The following STON2 variants were observed in gnomAD, a reference collection of about 807,000 sequenced individuals.
STON2 encodes stonin 2, also known as stonin-2.
In STON2, 29 loss-of-function variants were observed where a neutral mutation model predicts 65.7. The observed-to-expected ratio is 0.44, with a 90% CI of 0.33 to 0.60. The LOEUF (loss-of-function observed/expected upper bound fraction) is 0.60. Among genes scored for constraint, STON2 ranks in the 20% least tolerant of loss-of-function variants. The pLI is 0.03. For synonymous variants in STON2, 404 were observed against 414.2 expected (o/e 0.98, Z 0.30); for missense variants, 1,054 against 1,118.1 (o/e 0.94, Z 0.82).
chr14:81,380,818 C>T (rs1042778436), intron 3 of STON2, among the ~76,000 whole-genome samples: 2 of 152,040 alleles, frequency 1.3e-5, no homozygotes, highest in East Asian at 3.9e-4. Context: ...CTGGGGCCCA[C>T]TTGAGGGTGG....
rs1316868427 is a variant in STON2 at position 81,267,028 on chromosome 14, C to T, written c.*1386G>A. The T allele has an allele frequency of 2.4e-5, 24 of 985,296 alleles. No individual in the cohort carries two copies. Among genetic ancestry groups the T allele is most frequent in the Non-Finnish European group, 2.8e-5 (23 of 829,906 alleles). The allele number at this position is 985,296 out of a possible 1,614,324, so 61.0% of individuals were successfully genotyped here. On this transcript the variant is annotated 3_prime_UTR_variant, in exon 8 of 8. Coordinates refer to ENST00000614646, the MANE Select transcript of STON2 (RefSeq NM_001394390.1). ...GACTCCAATGATTGTTCATTGAATA[C>T]ATTAATCTTGAATCCATCAGCCAAA...
upstream of STON2, among the ~76,000 whole-genome samples, chr14:81,403,998 CTT>C (rs1247840856): frequency 2.0e-5 from 3 of 152,126 alleles, no homozygotes; most frequent in Non-Finnish European, 4.4e-5. Context: ...TTATTGATGT[CTT>C]TAACTCTTAG....
intron 2 of STON2, among the ~76,000 whole-genome samples, chr14:81,417,278 C>T (rs77502522): frequency 0.023 from 3,269 of 143,812 alleles, 130 homozygotes; most frequent in East Asian, 0.19. Flanking sequence ...TTCACCGCCC[C>T]GCCCCCGGCC....
At chr14:81,428,582 G>A (rs1436977927) in intron 1 of STON2, among the ~76,000 whole-genome samples, 1 of 152,134 alleles carries the variant, frequency 6.6e-6, no homozygotes, top group Non-Finnish European at 1.5e-5. Flanking sequence ...AATTAGCCAG[G>A]CATGGTGGCA....
chr14:81,373,281 A>G (rs72703734), intron 3 of STON2, among the ~76,000 whole-genome samples: 2,131 of 152,308 alleles, frequency 0.014, 25 homozygotes, highest in South Asian at 0.043. Context: ...TAAATACAGA[A>G]TATTAAAATT....
At chr14:81,377,679 C>A (rs1169956687) in intron 3 of STON2, among the ~76,000 whole-genome samples, 1 of 152,172 alleles carries the variant, frequency 6.6e-6, no homozygotes, top group African/African-American at 2.4e-5. Flanking sequence ...AGCATTTAGT[C>A]TTACCATTAC....
chr14:81,331,669 A>G (rs534641956), intron 4 of STON2, among the ~76,000 whole-genome samples: 2 of 152,380 alleles, frequency 1.3e-5, no homozygotes, highest in South Asian at 4.1e-4. Context: ...AGCCATGGAT[A>G]GAGGGAGAGG....
rs35689202 is a variant in STON2, at chr14:81,277,231, T to C, written c.2251A>G (p.Thr751Ala). Residue 751 changes from threonine (T) to alanine (A), a missense_variant, in exon 6 of 8, where the codon ACA becomes GCA. By Grantham distance (58) the Thr-to-Ala change is moderately conservative (BLOSUM62 0). Coordinates refer to ENST00000614646, the MANE Select transcript of STON2 (RefSeq NM_001394390.1). Reference sequence around the variant, plus strand: ...TCCACCTCTGCCCCATTGACACTTGTGGCCGTCCTGAGTGTGAAAGGCAAG... The same window carrying C: ...TCCACCTCTGCCCCATTGACACTTGCGGCCGTCCTGAGTGTGAAAGGCAAG... ...KTLPFTLRTA[T>A]SVNGAEVEVQ... 2,971 of 1,614,202 alleles carry C rather than the reference T, an allele frequency of 1.8e-3. 47 individuals carry two copies. In the African/African-American group the frequency reaches 0.035, roughly 19 times the overall value.
intron 3 of STON2, among the ~76,000 whole-genome samples, chr14:81,387,883 C>G (rs1167611364): frequency 6.9e-6 from 1 of 145,780 alleles, no homozygotes; most frequent in Admixed American, 6.8e-5. Context: ...AAGAGTGAGA[C>G]TCAGTCTCAA....
chr14:81,277,770 G>C lies in STON2; in HGVS notation c.1712C>G (p.Pro571Arg). The C allele has an allele frequency of 6.2e-7, 1 of 1,614,100 alleles. No homozygotes were observed. Among genetic ancestry groups the C allele is most frequent in the Non-Finnish European group, 8.5e-7 (1 of 1,180,028 alleles). ...TGCTGTGTGGGCCACAGCAGGTTTG[G>C]GCTGGTATTTCTTCTTCTCTTTATA... The part of the protein sequence containing the change: ...VTYKEKKKYQ[P>R]KPAVAHTAER... The change falls in exon 6 of 8, where the codon CCC (proline) becomes CGC (arginine). Residue 571 changes from proline (P) to arginine (R), a missense_variant. Coordinates refer to ENST00000614646, the MANE Select transcript of STON2 (RefSeq NM_001394390.1).
intron 4 of STON2, chr14:81,333,218 T>C: frequency 1.1e-6 from 1 of 923,522 alleles, no homozygotes. Flanking sequence ...GTCTTGTACA[T>C]TTTTGCTAGT....
At position 81,413,294 on chromosome 14, in the gene STON2, T is replaced by G. The variant is rs553775595; in HGVS notation, c.-199+13808A>C. On this transcript the variant is annotated intron_variant, in intron 2 of 8. Coordinates refer to the STON2 transcript ENST00000553821. ...CCATCCAAAAACAAGGACTGCAGCC[T>G]AAATTCCAAATACCAGAGACTGAAA... The G allele has an allele frequency of 1.5e-6, 2 of 1,369,472 alleles. 1 individual carries two copies. The highest frequency in any genetic ancestry group is 3.6e-5 in the African/African-American group (2 of 55,952). 84.8% of individuals were successfully genotyped at this position (1,369,472 alleles called of 1,614,324 possible).
chr14:81,274,633 T>C (rs1894734019), intron 6 of STON2, among the ~76,000 whole-genome samples: 2 of 151,898 alleles, frequency 1.3e-5, no homozygotes, highest in South Asian at 4.2e-4. Context: ...TTGAGCCAAG[T>C]TGCAAAAGTA....
chr14:81,288,730 G>A (rs1595298232), intron 5 of STON2, among the ~76,000 whole-genome samples: 1 of 150,202 alleles, frequency 6.7e-6, no homozygotes, highest in Non-Finnish European at 1.5e-5. Context: ...AAGTGAAAAG[G>A]GGGCTCTTTT....
intron 3 of STON2, among the ~76,000 whole-genome samples, chr14:81,373,927 G>GT (rs1457524894): frequency 6.9e-6 from 1 of 143,938 alleles, no homozygotes; most frequent in African/African-American, 2.6e-5. Context: ...AAACCTCCAA[G>GT]TTGAGACTAG....
intron 4 of STON2, among the ~76,000 whole-genome samples, chr14:81,368,253 T>C (rs1458234975): frequency 1.3e-5 from 2 of 152,192 alleles, no homozygotes; most frequent in African/African-American, 2.4e-5. Flanking sequence ...TTCTCAGTGG[T>C]GTTCTCTTAA....
At chr14:81,370,790 C>T (rs1898947473) in intron 4 of STON2, among the ~76,000 whole-genome samples, 198 bp downstream of exon 4, 1 of 152,182 alleles carries the variant, frequency 6.6e-6, no homozygotes, top group Non-Finnish European at 1.5e-5. Context: ...ATCTGCCAAC[C>T]AAGGATCCAA....
rs773632779 is a variant in STON2, at chr14:81,277,435, C to G, written c.2047G>C (p.Val683Leu). 5.6e-6 allele frequency: 9 copies of G among 1,614,082 alleles called. No homozygotes were observed. The South Asian group carries it at 8.8e-5, about 16-fold the overall frequency. ...NDILVKGNEI[V>L]LRQDIMPTTT... is the part of the protein sequence containing the mutation. Reference sequence around the variant, plus strand: ...GTGGGCATGATGTCCTGCCTCAAAACTATTTCATTCCCTTTGACGAGGATG... The same window carrying G: ...GTGGGCATGATGTCCTGCCTCAAAAGTATTTCATTCCCTTTGACGAGGATG... The change falls in exon 6 of 8, where the codon GTT (valine) becomes CTT (leucine). Residue 683 changes from valine to leucine, a missense_variant. Physicochemically the swap from Val to Leu is conservative, Grantham distance 32 (BLOSUM62 1). Coordinates refer to ENST00000614646, the MANE Select transcript of STON2 (RefSeq NM_001394390.1).
intron 5 of STON2, among the ~76,000 whole-genome samples, chr14:81,302,784 T>C (rs941601773): frequency 6.6e-6 from 1 of 152,230 alleles, no homozygotes; most frequent in African/African-American, 2.4e-5. Context: ...ATAAGATCTG[T>C]AAGCCTCAGG....
Sources: gnomAD v4.1 joint callset for allele counts (sites outside exome capture counted in the v4.1 genomes callset) on GRCh38, gnomAD v4.1.1 for gene constraint, MANE v1.5 for transcripts, NCBI Gene and HGNC (gene_info 2026-07-23, HGNC 2026-07-21) for gene names.